Variants in ALOX5 observed in about 807,000 individuals in gnomAD.
ALOX5 encodes polyunsaturated fatty acid 5-lipoxygenase.
Under a neutral mutation model 87.9 loss-of-function variants are expected in ALOX5, and 64 were observed. The ratio of observed to expected loss-of-function variants is 0.73; its 90% confidence interval spans 0.60 to 0.90. The LOEUF is 0.90. Ranked by LOEUF, ALOX5 falls within the 40% of genes least tolerant of loss-of-function variation. The probability of loss-of-function intolerance (pLI) is 0.00; values close to 1 mark genes in which losing one functional copy is unlikely to be tolerated. For missense variants in ALOX5, 822 were observed against 907.5 expected (o/e 0.91, Z 1.21); for synonymous variants, 388 against 355.1 (o/e 1.09, Z -1.04).
chr10:45,442,921 G>T, intron 9 of ALOX5, 117 bp from the exon 10 acceptor site: 1 of 1,103,170 alleles, frequency 9.1e-7, no homozygotes, highest in Non-Finnish European at 1.3e-6. Context: ...CACAGGACAA[G>T]GGCTTGCACC....
chr10:45,404,972 C>T (rs535069044), intron 3 of ALOX5, among the ~76,000 whole-genome samples: 10 of 152,312 alleles, frequency 6.6e-5, no homozygotes, highest in African/African-American at 2.4e-4. Flanking sequence ...GAAATAGTAT[C>T]TCATATATTT....
chr10:45,403,043 G>A lies in ALOX5; in HGVS notation c.431+7107G>A, dbSNP rs191873960. Among the ~76,000 whole-genome samples, 368 of 152,264 alleles carry A rather than the reference G, an allele frequency of 2.4e-3. 1 individual carries two copies. Among genetic ancestry groups the A allele is most frequent in the African/African-American group, 7.9e-3 (329 of 41,534 alleles). ...GGGCTGGGAACACTCATATACCACCGGCAGGAGGACAAGTTGGTAAGACCT... is the reference window on the plus strand; with the variant it reads ...GGGCTGGGAACACTCATATACCACCAGCAGGAGGACAAGTTGGTAAGACCT... On this transcript the variant is annotated intron_variant, in intron 3 of 13. Coordinates refer to ENST00000374391, the MANE Select transcript of ALOX5 (RefSeq NM_000698.5).
At chr10:45,407,439 G>T (rs551867257) in intron 3 of ALOX5, among the ~76,000 whole-genome samples, 5 of 150,658 alleles carry the variant, frequency 3.3e-5, no homozygotes, top group Non-Finnish European at 7.4e-5. Context: ...GAAAAATGAC[G>T]AGACAAGTCT....
chr10:45,444,229 C>T lies in ALOX5; in HGVS notation c.1788C>T (p.Gly596=), dbSNP rs1399211955. 1.9e-6 allele frequency: 3 copies of T among 1,554,860 alleles called. No homozygotes were observed. In the Admixed American group the frequency reaches 5.8e-5, roughly 30 times the overall value. Reference sequence around the variant, plus strand: ...TCGTGGACACGCTGCCCGACCGCGGCCGCTCCTGCTGGCATCTGGGTGCAG... The same window carrying T: ...TCGTGGACACGCTGCCCGACCGCGGTCGCTCCTGCTGGCATCTGGGTGCAG... The part of the protein sequence containing the change: ...EQIVDTLPDR[G]RSCWHLGAVW... Residue 596 remains glycine, a synonymous_variant, in exon 13 of 14, where the codon GGC becomes GGT. Transcript: ENST00000374391.
intron 4 of ALOX5, among the ~76,000 whole-genome samples, chr10:45,413,605 G>A (rs1841154919): frequency 6.6e-6 from 1 of 152,132 alleles, no homozygotes; most frequent in Admixed American, 6.5e-5. Context: ...CAATCAGGCA[G>A]GAGAAGGAAA....
In ALOX5 at chr10:45,443,654, C is replaced by A. The variant is rs1481654637; in HGVS notation, c.1574-74C>A. ...GCCCTCCGGCCTTGGGGCAGGGAAT[C>A]CGGGCACGGGGTGGGCGCCGGGCCC... is the stretch of plus-strand genomic sequence containing the variant. On this transcript the variant is annotated intron_variant, in intron 11 of 13. Transcript: ENST00000374391. 8.8e-6 allele frequency: 14 copies of A among 1,590,390 alleles called. No homozygotes were observed. The East Asian group carries it at 2.8e-4, about 31-fold the overall frequency.
intron 1 of ALOX5, among the ~76,000 whole-genome samples, chr10:45,376,740 A>AT: frequency 1.3e-5 from 2 of 152,092 alleles, no homozygotes; most frequent in Non-Finnish European, 1.5e-5. Context: ...GACAGGACTG[A>AT]TTTTTTCCTT....
At chr10:45,412,095 T>C (rs1841084139) in intron 3 of ALOX5, 96 bp from the exon 4 acceptor site, 1 of 1,538,814 alleles carries the variant, frequency 6.5e-7, no homozygotes, top group Non-Finnish European at 8.9e-7. Context: ...TCAATCTCCC[T>C]GTGTAACATC....
intron 2 of ALOX5, among the ~76,000 whole-genome samples, chr10:45,390,724 C>G (rs1254889725): frequency 6.6e-6 from 1 of 152,072 alleles, no homozygotes; most frequent in Non-Finnish European, 1.5e-5. Context: ...CACTACATGC[C>G]CACAAGAGAA....
intron 7 of ALOX5, among the ~76,000 whole-genome samples, chr10:45,437,170 T>C (rs1405624361): frequency 1.3e-5 from 2 of 152,176 alleles, no homozygotes; most frequent in East Asian, 3.9e-4. Context: ...CTGACCAACA[T>C]GGTGAAACCC....
chr10:45,395,914 G>A lies in ALOX5; in HGVS notation c.409G>A (p.Glu137Lys). Reference protein sequence around the residue: ...ILKQHRRKELETRQKQYRWME... With the variant: ...ILKQHRRKELKTRQKQYRWME... ...CAAGCAACACCGACGTAAAGAACTG[G>A]AAACACGGCAAAAACAATATCGGTG... Residue 137 changes from glutamate to lysine, a missense_variant, in exon 3 of 14, where the codon GAA (glutamate) becomes AAA (lysine). Physicochemically the swap from Glu to Lys is moderately conservative, Grantham distance 56. Coordinates refer to ENST00000374391, the MANE Select transcript of ALOX5 (RefSeq NM_000698.5). 6.2e-7 allele frequency: 1 copy of A among 1,614,218 alleles called. No individual in the cohort carries two copies. The highest frequency in any genetic ancestry group is 8.5e-7 in the Non-Finnish European group (1 of 1,180,028).
At chr10:45,375,565 G>T (rs1198434094) in intron 1 of ALOX5, among the ~76,000 whole-genome samples, 2 of 152,178 alleles carry the variant, frequency 1.3e-5, no homozygotes, top group Admixed American at 1.3e-4. Flanking sequence ...TGCTCATAAT[G>T]GACAAATACA....
intron 7 of ALOX5, among the ~76,000 whole-genome samples, chr10:45,439,743 T>A (rs563650184): frequency 6.6e-6 from 1 of 152,184 alleles, no homozygotes; most frequent in Non-Finnish European, 1.5e-5. Flanking sequence ...TAACATGACA[T>A]GATTTGCATT....
At chr10:45,428,841 A>G (rs962406825) in intron 7 of ALOX5, 77 bp downstream of exon 7, 32 of 1,547,042 alleles carry the variant, frequency 2.1e-5, no homozygotes, top group Non-Finnish European at 2.6e-5. Flanking sequence ...CTCCATTCAC[A>G]CTCCAGCTGA....
intron 1 of ALOX5, among the ~76,000 whole-genome samples, chr10:45,382,267 A>G (rs760793190): frequency 4.1e-4 from 62 of 152,222 alleles, no homozygotes; most frequent in African/African-American, 1.5e-3. Flanking sequence ...TCCTTTTGGT[A>G]TAGTGAGGAC....
In ALOX5 at chr10:45,443,928, C is replaced by T. The variant is rs1000371683; in HGVS notation, c.1674+100C>T. On this transcript the variant is annotated intron_variant, in intron 12 of 13. Coordinates refer to ENST00000374391, the MANE Select transcript of ALOX5 (RefSeq NM_000698.5). ...CGCGTACTGCACCCTCGGACAGCCTCGGGGCCTGGCACGGGACTTGCAGGA... is the reference window on the plus strand; with the variant it reads ...CGCGTACTGCACCCTCGGACAGCCTTGGGGCCTGGCACGGGACTTGCAGGA... The T allele has an allele frequency of 7.5e-5, 109 of 1,455,498 alleles. 1 individual carries two copies. The highest frequency in any genetic ancestry group is 4.8e-5 in the Non-Finnish European group (52 of 1,079,188). The allele number at this position is 1,455,498 out of a possible 1,614,324, so 90.2% of individuals were successfully genotyped here.
intron 4 of ALOX5, among the ~76,000 whole-genome samples, chr10:45,413,075 C>G (rs1005519140): frequency 2.6e-5 from 4 of 152,156 alleles, no homozygotes; most frequent in African/African-American, 9.7e-5. Flanking sequence ...AGAGGGAATC[C>G]TCCCTAACTC....
At chr10:45,376,446 A>G (rs1048753689) in intron 1 of ALOX5, among the ~76,000 whole-genome samples, 1 of 152,118 alleles carries the variant, frequency 6.6e-6, no homozygotes, top group South Asian at 2.1e-4. Context: ...AAGTTACTCA[A>G]CACTTTCTCT....
At chr10:45,378,190 C>T (rs1186885026) in intron 1 of ALOX5, among the ~76,000 whole-genome samples, 2 of 152,210 alleles carry the variant, frequency 1.3e-5, no homozygotes, top group East Asian at 3.8e-4. Context: ...TCTTATGAAG[C>T]TTTTCCCTGT....
Sources: gnomAD v4.1 joint callset for allele counts (sites outside exome capture counted in the v4.1 genomes callset) on GRCh38, gnomAD v4.1.1 for gene constraint, MANE v1.5 for transcripts, NCBI Gene and HGNC (gene_info 2026-07-23, HGNC 2026-07-21) for gene names.